DLGAP2: variants seen among roughly 807,000 people sequenced by gnomAD.
DLGAP2 encodes the protein disks large-associated protein 2.
DLGAP2 carries 26 observed loss-of-function variants against 100.3 expected under a neutral mutation model. That is an observed-to-expected ratio of 0.26 (90% CI 0.19 to 0.36). The LOEUF is 0.36. Ranked by LOEUF, DLGAP2 falls within the 10% of genes least tolerant of loss-of-function variation. The pLI is 1.00. For missense variants in DLGAP2, 1,858 were observed against 1,453.2 expected (o/e 1.28, Z -4.53); for synonymous variants, 886 against 630.1 (o/e 1.41, Z -6.08).
chr8:793,708 A>G (rs886572440), intron 1 of DLGAP2, among the ~76,000 whole-genome samples: 1 of 152,348 alleles, frequency 6.6e-6, no homozygotes, highest in African/African-American at 2.4e-5. Flanking sequence ...GACGGAGTCC[A>G]CAGCTCACAG....
intron 2 of DLGAP2, among the ~76,000 whole-genome samples, chr8:1,255,557 CTG>C (rs1799181530): frequency 7.9e-6 from 1 of 127,164 alleles, no homozygotes; most frequent in African/African-American, 3.6e-5. Flanking sequence ...CCTCTCCTGC[CTG>C]GGAGCTGTGT....
In DLGAP2 at chr8:1,105,570, A is replaced by G. The variant is rs558046815; in HGVS notation, c.74-153281A>G. Among the ~76,000 whole-genome samples the G allele has an allele frequency of 1.5e-3, 223 of 149,028 alleles. 1 individual carries two copies. Among genetic ancestry groups the G allele is most frequent in the African/African-American group, 5.3e-3 (218 of 40,820 alleles). On this transcript the variant is annotated intron_variant, in intron 2 of 14. Coordinates refer to ENST00000637795, the MANE Select transcript of DLGAP2 (RefSeq NM_001346810.2). ...CTTCCTGCCGGTGCACTATCTACTG[A>G]AGGGAGCCATTCTAGGAGGGTTTTC...
intron 3 of DLGAP2, chr8:1,299,954 G>A: frequency 6.6e-6 from 1 of 152,364 alleles, no homozygotes; most frequent in Non-Finnish European, 1.5e-5. Flanking sequence ...GGCGTGGGCA[G>A]ACCTGGCTCC....
intron 10 of DLGAP2, among the ~76,000 whole-genome samples, 182 bp from the exon 11 acceptor site, chr8:1,676,351 G>GTGA (rs1436764202): frequency 1.3e-5 from 2 of 152,218 alleles, no homozygotes; most frequent in Non-Finnish European, 2.9e-5. Flanking sequence ...AGACGCAGGA[G>GTGA]TGATGTAATT....
chr8:1,695,043 A>AG (rs568306331), intron 13 of DLGAP2, among the ~76,000 whole-genome samples: 230 of 152,180 alleles, frequency 1.5e-3, no homozygotes, highest in African/African-American at 5.4e-3. Flanking sequence ...CGAGGAGAGG[A>AG]GGGGGGCACG....
At chr8:1,241,789 G>T (rs933112911) in intron 2 of DLGAP2, among the ~76,000 whole-genome samples, 3 of 151,988 alleles carry the variant, frequency 2.0e-5, no homozygotes, top group Non-Finnish European at 4.4e-5. Context: ...GGTTGGTCTT[G>T]TTTAATTTTA....
intron 2 of DLGAP2, among the ~76,000 whole-genome samples, chr8:988,879 C>G (rs778915558): frequency 3.9e-5 from 6 of 152,186 alleles, no homozygotes; most frequent in Admixed American, 6.5e-5. Context: ...TGCATGAGAG[C>G]CCCTGGAGTT....
chr8:1,633,870 G>A (rs1165414193), intron 8 of DLGAP2, among the ~76,000 whole-genome samples: 1 of 152,210 alleles, frequency 6.6e-6, no homozygotes, highest in Non-Finnish European at 1.5e-5. Context: ...ACAAAGCTAT[G>A]TTCATGATGA....
chr8:1,256,920 G>A (rs13282385), intron 2 of DLGAP2, among the ~76,000 whole-genome samples: 112,222 of 151,948 alleles, frequency 0.74, 42,311 homozygotes, highest in Middle Eastern at 0.85. Context: ...GGATAGAGGT[G>A]GCCCCGTGTG....
intron 3 of DLGAP2, among the ~76,000 whole-genome samples, chr8:1,453,669 C>T (rs1798225622): frequency 6.6e-6 from 1 of 152,176 alleles, no homozygotes; most frequent in Non-Finnish European, 1.5e-5. Flanking sequence ...CCCAGCCGAA[C>T]TCTCTACCTG....
chr8:1,162,190 C>G (rs537105831), intron 2 of DLGAP2, among the ~76,000 whole-genome samples: 1 of 152,168 alleles, frequency 6.6e-6, no homozygotes, highest in Non-Finnish European at 1.5e-5. Context: ...AACTCGGAGG[C>G]GAGGGAGGCG....
chr8:983,645 A>C (rs1413815468), intron 2 of DLGAP2, among the ~76,000 whole-genome samples: 1 of 152,116 alleles, frequency 6.6e-6, no homozygotes, highest in Non-Finnish European at 1.5e-5. Flanking sequence ...ATTTTTTTTA[A>C]TTAAAAGAAG....
intron 6 of DLGAP2, among the ~76,000 whole-genome samples, chr8:1,610,656 A>G (rs1321325437): frequency 2.3e-5 from 3 of 131,284 alleles, no homozygotes; most frequent in Admixed American, 7.8e-5. Flanking sequence ...ACTAATAAAG[A>G]AAAAAAGAGA....
At chr8:1,391,583 C>G (rs903815709) in intron 3 of DLGAP2, among the ~76,000 whole-genome samples, 1 of 152,180 alleles carries the variant, frequency 6.6e-6, no homozygotes, top group African/African-American at 2.4e-5. Flanking sequence ...CCATGGATGC[C>G]TCACAGAGCT....
chr8:1,251,502 T>C (rs1799039715), intron 2 of DLGAP2, among the ~76,000 whole-genome samples: 1 of 152,180 alleles, frequency 6.6e-6, no homozygotes, highest in African/African-American at 2.4e-5. Flanking sequence ...CACTGGTGTA[T>C]TTTGGCTCAC....
rs189418200 is a variant in DLGAP2 at position 1,020,944 on chromosome 8, A to T, written c.73+112978A>T. On this transcript the variant is annotated intron_variant, in intron 2 of 14. Coordinates refer to ENST00000637795, the MANE Select transcript of DLGAP2 (RefSeq NM_001346810.2). ...CTCATCTAGGTCTTAAGAGCAGGCA[A>T]AGCAATTAATCAATATCCCACTGCA... Among the ~76,000 whole-genome samples, 15 of 152,316 alleles carry T rather than the reference A, an allele frequency of 9.8e-5. No individual in the cohort carries two copies. The East Asian group carries it at 2.9e-3, about 29-fold the overall frequency.
chr8:1,041,967 C>T (rs1212088400), intron 2 of DLGAP2, among the ~76,000 whole-genome samples: 1 of 152,214 alleles, frequency 6.6e-6, no homozygotes, highest in Non-Finnish European at 1.5e-5. Context: ...TTTCAGGAGC[C>T]TGCGGGGATT....
chr8:800,328 G>A (rs944994812), intron 1 of DLGAP2, among the ~76,000 whole-genome samples: 1 of 152,240 alleles, frequency 6.6e-6, no homozygotes, highest in Non-Finnish European at 1.5e-5. Context: ...GGCCTAGTGA[G>A]GCAGTTCTGT....
chr8:1,482,499 T>C (rs1584944634), intron 3 of DLGAP2, among the ~76,000 whole-genome samples: 1 of 152,394 alleles, frequency 6.6e-6, no homozygotes, highest in East Asian at 1.9e-4. Flanking sequence ...GTAATTTATA[T>C]GCATTTTTAA....
Sources: allele counts gnomAD v4.1 joint callset (sites outside exome capture counted in the v4.1 genomes callset), GRCh38; gene constraint gnomAD v4.1.1; transcripts MANE v1.5; gene names NCBI Gene and HGNC (gene_info 2026-07-23, HGNC 2026-07-21).